The following HS3ST3B1 variants were observed in gnomAD, a reference collection of about 807,000 sequenced individuals.
The protein encoded by HS3ST3B1 is heparan sulfate glucosamine 3-O-sulfotransferase 3B1.
In HS3ST3B1, 13 loss-of-function variants were observed where a neutral mutation model predicts 21.3. The ratio of observed to expected loss-of-function variants is 0.61; its 90% CI spans 0.40 to 0.97. The LOEUF (loss-of-function observed/expected upper bound fraction) is 0.97. HS3ST3B1 is among the 50% of genes least tolerant of loss of function. The pLI, the probability that HS3ST3B1 is intolerant of heterozygous loss-of-function variation, is 0.00. For synonymous variants in HS3ST3B1, 234 were observed against 254.8 expected, an observed-to-expected ratio of 0.92 and a Z score of 0.78; for missense variants, 459 against 554.8, an observed-to-expected ratio of 0.83 and a Z score of 1.73.
At chr17:14,319,279 T>G (rs2142334145) in intron 1 of HS3ST3B1, among the ~76,000 whole-genome samples, 1 of 152,322 alleles carries the variant, frequency 6.6e-6, no homozygotes. Flanking sequence ...TTGTCTCCAT[T>G]ATAAAATCCT....
chr17:14,325,105 C>T (rs991785368), intron 1 of HS3ST3B1, among the ~76,000 whole-genome samples: 2 of 152,202 alleles, frequency 1.3e-5, no homozygotes, highest in East Asian at 3.9e-4. Flanking sequence ...ATCACAAAAA[C>T]AAGCTGTTTG....
Position 14,345,775 on chromosome 17 carries a change from G to A in HS3ST3B1, c.*129G>A, listed in dbSNP as rs1477998359. Reference sequence around the variant, plus strand: ...TCATAAGCAATTAATTCACTAAGCTGCCTAGCCACACTCTTTAGAGAGTTA... The same window carrying A: ...TCATAAGCAATTAATTCACTAAGCTACCTAGCCACACTCTTTAGAGAGTTA... On this transcript the variant is annotated 3_prime_UTR_variant, in exon 2 of 2. Transcript: ENST00000360954. 6.0e-6 allele frequency: 7 copies of A among 1,172,750 alleles called. No individual in the cohort carries two copies. In the African/African-American group the frequency reaches 9.3e-5, roughly 16 times the overall value. The allele number at this position is 1,172,750 out of a possible 1,614,324, so 72.6% of individuals were successfully genotyped here.
At chr17:14,333,040 G>A (rs1434678682) in intron 1 of HS3ST3B1, among the ~76,000 whole-genome samples, 1 of 152,002 alleles carries the variant, frequency 6.6e-6, no homozygotes, top group African/African-American at 2.4e-5. Context: ...TAATACCCAT[G>A]ATGTTGGTCT....
At chr17:14,315,095 T>C (rs1567637790) in intron 1 of HS3ST3B1, among the ~76,000 whole-genome samples, 1 of 152,228 alleles carries the variant, frequency 6.6e-6, no homozygotes, top group Non-Finnish European at 1.5e-5. Flanking sequence ...TTTTCTTTGA[T>C]CGGATTCCCC....
At chr17:14,344,531 TG>T (rs1225276422) in intron 1 of HS3ST3B1, among the ~76,000 whole-genome samples, 1 of 152,150 alleles carries the variant, frequency 6.6e-6, no homozygotes, top group African/African-American at 2.4e-5. Flanking sequence ...CCGGAACAAC[TG>T]GGCGGGACCC....
chr17:14,341,767 AT>A (rs1910391854), intron 1 of HS3ST3B1, among the ~76,000 whole-genome samples: 1 of 152,154 alleles, frequency 6.6e-6, no homozygotes, highest in South Asian at 2.1e-4. Flanking sequence ...TAATGCTTTG[AT>A]TCTGAATATT....
At chr17:14,311,789 A>G (rs1472580477) in intron 1 of HS3ST3B1, among the ~76,000 whole-genome samples, 2 of 151,700 alleles carry the variant, frequency 1.3e-5, no homozygotes, top group Non-Finnish European at 2.9e-5. Flanking sequence ...TTGTATGCAT[A>G]CCTGTAATCC....
Position 14,345,586 on chromosome 17 carries a change from C to A in HS3ST3B1, c.1113C>A (p.Phe371Leu). The A allele has an allele frequency of 6.2e-7, 1 of 1,603,060 alleles. No individual in the cohort carries two copies. Among genetic ancestry groups the A allele is most frequent in the Non-Finnish European group, 8.5e-7 (1 of 1,174,092 alleles). Residue 371 changes from phenylalanine to leucine, a missense_variant, in exon 2 of 2, where the codon TTC (phenylalanine) becomes TTA (leucine). Physicochemically the swap from Phe to Leu is conservative, Grantham distance 22. This residue lies in a region of HS3ST3B1 where 127 missense variants were observed against 209.9 expected (regional missense o/e 0.60). Transcript: ENST00000360954. The part of the protein sequence containing the change: ...DREVVRRLRE[F>L]YRPFNLKFYQ... ...AGGTGGTGCGCAGGCTGCGCGAGTTCTACCGGCCTTTCAACCTCAAGTTCT... is the reference window on the plus strand; with the variant it reads ...AGGTGGTGCGCAGGCTGCGCGAGTTATACCGGCCTTTCAACCTCAAGTTCT...
At chr17:14,322,444 T>G (rs74340055) in intron 1 of HS3ST3B1, among the ~76,000 whole-genome samples, 22 of 152,132 alleles carry the variant, frequency 1.4e-4, no homozygotes, top group Non-Finnish European at 2.5e-4. Context: ...AGAGCTGACA[T>G]CATGATGGCC....
intron 1 of HS3ST3B1, among the ~76,000 whole-genome samples, chr17:14,327,027 T>G (rs570175219): frequency 5.3e-5 from 8 of 151,452 alleles, no homozygotes; most frequent in Middle Eastern, 6.9e-3. Flanking sequence ...TCGAGTCAAG[T>G]GTATAATATC....
Position 14,301,320 on chromosome 17 carries a change from G to T in HS3ST3B1, c.-199G>T. 1.9e-6 allele frequency: 1 copy of T among 516,722 alleles called. No individual in the cohort carries two copies. The highest frequency in any genetic ancestry group is 3.3e-6 in the Non-Finnish European group (1 of 301,588). 32.0% of individuals were successfully genotyped at this position (516,722 alleles called of 1,614,324 possible). On this transcript the variant is annotated 5_prime_UTR_variant, in exon 1 of 2. An upstream start codon of the reference 5' UTR is lost. Coordinates refer to ENST00000360954, the MANE Select transcript of HS3ST3B1 (RefSeq NM_006041.3). ...AGTTGCAGCTCCTGCCGGGCAACAT[G>T]TCAAGAGCCGCCGCCGCTACAGCTG... is the stretch of plus-strand genomic sequence containing the variant.
intron 1 of HS3ST3B1, 150 bp downstream of exon 1, chr17:14,302,222 C>G (rs938468305): frequency 2.0e-6 from 2 of 995,896 alleles, no homozygotes; most frequent in African/African-American, 3.3e-5. Flanking sequence ...GCAGCGCATC[C>G]TGTCCGGGTG....
Position 14,333,916 on chromosome 17 carries a change from C to T in HS3ST3B1, c.555-11112C>T, listed in dbSNP as rs145954741. On this transcript the variant is annotated intron_variant, in intron 1 of 1. Transcript: ENST00000360954. ...TAGCTGGGATTACAGGCATGTGCCA[C>T]CACGACCAGCTAACGTTTCTATTTT... 3.1e-3 allele frequency among the ~76,000 whole-genome samples: 473 copies of T among 152,336 alleles called. 4 individuals carry two copies. The highest frequency in any genetic ancestry group is 0.011 in the African/African-American group (459 of 41,582).
At chr17:14,312,129 T>G (rs76000899) in intron 1 of HS3ST3B1, among the ~76,000 whole-genome samples, 2 of 152,090 alleles carry the variant, frequency 1.3e-5, no homozygotes, top group African/African-American at 4.8e-5. Context: ...AGCCTCCGTA[T>G]GCAAGAACTT....
At chr17:14,318,061 C>G (rs1909553242) in intron 1 of HS3ST3B1, among the ~76,000 whole-genome samples, 1 of 152,088 alleles carries the variant, frequency 6.6e-6, no homozygotes, top group Admixed American at 6.6e-5. Context: ...ACTCATTGCC[C>G]CTGCGGAATC....
At chr17:14,317,619 C>A (rs1051388610) in intron 1 of HS3ST3B1, among the ~76,000 whole-genome samples, 1 of 152,108 alleles carries the variant, frequency 6.6e-6, no homozygotes, top group African/African-American at 2.4e-5. Context: ...CTGGGAAGCT[C>A]TGTGTGAAAA....
chr17:14,311,676 C>T (rs1204463427), intron 1 of HS3ST3B1, among the ~76,000 whole-genome samples: 4 of 152,128 alleles, frequency 2.6e-5, no homozygotes, highest in African/African-American at 7.2e-5. Context: ...TCAAAAATCC[C>T]GTCGGTGCAC....
In HS3ST3B1 at chr17:14,346,252, T is replaced by TTC. The variant is rs1487237250; in HGVS notation, c.*607_*608insCT. 5.6e-5 allele frequency: 7 copies of TTC among 125,978 alleles called. No homozygotes were observed. In the East Asian group the frequency reaches 7.9e-4, roughly 14 times the overall value. The allele number at this position is 125,978 out of a possible 1,614,324, so 7.8% of individuals were successfully genotyped here. A position where few individuals can be genotyped will look rare whatever the true frequency, so the allele number is the denominator to read the frequency against. The stretch of plus-strand genomic sequence containing the variant: ...CATCCACATCCTTTTTTTTTCTTTT[T>TTC]TTTTTTTTTTTTTTTTTGAGATGGA... On this transcript the variant is annotated 3_prime_UTR_variant, in exon 2 of 2. Transcript: ENST00000360954.
intron 1 of HS3ST3B1, chr17:14,329,527 A>AAAAGAAAGGAAAAG (rs1486628821): frequency 6.6e-6 from 1 of 151,488 alleles, no homozygotes; most frequent in Non-Finnish European, 1.5e-5. Context: ...AGAAGAAAGA[A>AAAAGAAAGGAAAAG]AAAGAAAGGA....
Sources: gnomAD v4.1 joint callset for allele counts (sites outside exome capture counted in the v4.1 genomes callset) on GRCh38, gnomAD v4.1.1 for gene constraint, gnomAD v4.1.1 regional missense constraint, MANE v1.5 for transcripts, NCBI Gene and HGNC (gene_info 2026-07-23, HGNC 2026-07-21) for gene names.